The following BANK1 variants were observed in gnomAD, a reference collection of about 807,000 sequenced individuals.
BANK1 encodes B cell scaffold protein with ankyrin repeats 1, also known as B-cell scaffold protein with ankyrin repeats.
Under a neutral mutation model 94.5 loss-of-function variants are expected in BANK1, and 95 were observed. The ratio of observed to expected loss-of-function variants is 1.00; its 90% CI spans 0.85 to 1.19. The LOEUF is 1.19. Among genes scored for constraint, BANK1 ranks in the 50% most tolerant of loss-of-function variants. BANK1 has a pLI of 0.00. For missense variants in BANK1, 987 were observed against 932.2 expected (o/e 1.06, Z -0.77); for synonymous variants, 334 against 308.4 (o/e 1.08, Z -0.87).
intron 7 of BANK1, among the ~76,000 whole-genome samples, chr4:101,920,330 C>T (rs1005169620): frequency 6.6e-6 from 1 of 151,896 alleles, no homozygotes; most frequent in African/African-American, 2.4e-5. Flanking sequence ...TGTAAGAAAC[C>T]TGTGTGTTGT....
chr4:102,033,095 A>G lies in BANK1; in HGVS notation c.1900+2830A>G, dbSNP rs1727386353. 2.0e-5 allele frequency among the ~76,000 whole-genome samples: 3 copies of G among 152,222 alleles called. No individual in the cohort carries two copies. In the South Asian group the frequency reaches 6.2e-4, roughly 32 times the overall value. ...TCAACTAACTGTAGTCTGCACTTAC[A>G]TATCCAGTTCCCAGCATGCTGAGAT... On this transcript the variant is annotated intron_variant, in intron 10 of 16. Transcript: ENST00000322953.
At position 102,051,324 on chromosome 4, in the gene BANK1, CA is replaced by C. The variant is rs1183111447; in HGVS notation, c.1969+7418del. On this transcript the variant is annotated intron_variant, in intron 11 of 16. Coordinates refer to ENST00000322953, the MANE Select transcript of BANK1 (RefSeq NM_017935.5). ...CCCTTTTCCAGTATACTTACATTTC[CA>C]TTTGTCATATTGCTCACAAAAGTTT... Among the ~76,000 whole-genome samples the C allele has an allele frequency of 5.3e-5, 8 of 152,200 alleles. No homozygotes were observed. In the East Asian group the frequency reaches 1.5e-3, roughly 29 times the overall value.
chr4:102,030,110 A>G lies in BANK1; in HGVS notation c.1745A>G (p.Glu582Gly), dbSNP rs1727240099. Reference protein sequence around the residue: ...EEEEDPYTFAEIDDSEYDMIL... With the variant: ...EEEEDPYTFAGIDDSEYDMIL... ...GAAGAAGACCCATATACTTTTGCTG[A>G]GATTGATGACAGTGAATATGACATG... Residue 582 changes from glutamate (E) to glycine (G), a missense_variant, in exon 10 of 17, where the codon GAG becomes GGG. Physicochemically the swap from Glu to Gly is moderately conservative, Grantham distance 98 (BLOSUM62 -2). Coordinates refer to ENST00000322953, the MANE Select transcript of BANK1 (RefSeq NM_017935.5). 2 of 1,614,008 alleles carry G rather than the reference A, an allele frequency of 1.2e-6. No homozygotes were observed. The highest frequency in any genetic ancestry group is 1.7e-6 in the Non-Finnish European group (2 of 1,179,974).
At chr4:102,056,798 G>C (rs1480343994) in intron 11 of BANK1, among the ~76,000 whole-genome samples, 1 of 152,100 alleles carries the variant, frequency 6.6e-6, no homozygotes, top group African/African-American at 2.4e-5. Flanking sequence ...TTGAGGCCAG[G>C]AGTTCGAGAC....
At chr4:101,953,383 G>A (rs971742637) in intron 7 of BANK1, among the ~76,000 whole-genome samples, 1 of 152,068 alleles carries the variant, frequency 6.6e-6, no homozygotes, top group African/African-American at 2.4e-5. Flanking sequence ...AGGCATCTCT[G>A]TTCTTGATCA....
intron 11 of BANK1, among the ~76,000 whole-genome samples, chr4:102,048,691 G>A (rs1023480784): frequency 2.6e-5 from 4 of 152,142 alleles, no homozygotes; most frequent in Admixed American, 6.6e-5. Flanking sequence ...TCTATATGCT[G>A]GAGGGAAAAG....
At position 102,043,889 on chromosome 4, in the gene BANK1, G is replaced by A. The variant is rs780313755; in HGVS notation, c.1951G>A (p.Gly651Ser). The A allele has an allele frequency of 6.3e-7, 1 of 1,596,004 alleles. No individual in the cohort carries two copies. Among genetic ancestry groups the A allele is most frequent in the South Asian group, 1.1e-5 (1 of 89,858 alleles). Residue 651 changes from glycine to serine, a missense_variant, in exon 11 of 17, where the codon GGT becomes AGT. Transcript: ENST00000322953. ...ACAATCTGATGATGACAAGTTCTGT[G>A]GTCTTCCTAAGAAACAAGGTACTAA... ...RRQSDDDKFC[G>S]LPKKQDRARI...
chr4:102,072,777 C>G (rs1447936815), intron 15 of BANK1, among the ~76,000 whole-genome samples: 1 of 151,892 alleles, frequency 6.6e-6, no homozygotes, highest in Non-Finnish European at 1.5e-5. Context: ...AAAGTATAGC[C>G]CCAAAATATT....
At chr4:102,046,877 T>G (rs1273254155) in intron 11 of BANK1, among the ~76,000 whole-genome samples, 1 of 152,152 alleles carries the variant, frequency 6.6e-6, no homozygotes, top group African/African-American at 2.4e-5. Flanking sequence ...ACATTAAAGG[T>G]GGCAGAGGTA....
At chr4:101,882,636 A>T (rs938350355) in intron 5 of BANK1, among the ~76,000 whole-genome samples, 1 of 152,240 alleles carries the variant, frequency 6.6e-6, no homozygotes, top group East Asian at 1.9e-4. Context: ...TTACTAAATC[A>T]GCAGTCACAT....
At chr4:101,828,203 C>T (rs1381926119) in intron 1 of BANK1, among the ~76,000 whole-genome samples, 2 of 150,912 alleles carry the variant, frequency 1.3e-5, no homozygotes, top group Non-Finnish European at 3.0e-5. Context: ...TTGTAAATGC[C>T]CTATTAGACC....
At chr4:101,978,193 C>T (rs1725201527) in intron 7 of BANK1, among the ~76,000 whole-genome samples, 1 of 151,804 alleles carries the variant, frequency 6.6e-6, no homozygotes, top group Non-Finnish European at 1.5e-5. Flanking sequence ...CTAATGATTT[C>T]ATTTACTCAA....
chr4:101,852,114 T>A (rs1727496274), intron 2 of BANK1, among the ~76,000 whole-genome samples: 1 of 152,114 alleles, frequency 6.6e-6, no homozygotes, highest in African/African-American at 2.4e-5. Flanking sequence ...AACTTTTATC[T>A]TTGAGAAACT....
At chr4:101,983,908 A>T (rs916985367) in intron 7 of BANK1, among the ~76,000 whole-genome samples, 3 of 152,084 alleles carry the variant, frequency 2.0e-5, no homozygotes, top group African/African-American at 4.8e-5. Context: ...AATAGCAAAG[A>T]ATAGTACTGA....
intron 5 of BANK1, among the ~76,000 whole-genome samples, chr4:101,882,058 G>A (rs549106266): frequency 6.6e-6 from 1 of 152,104 alleles, no homozygotes; most frequent in African/African-American, 2.4e-5. Flanking sequence ...ACATTTTAGA[G>A]TAACTAAAAA....
Position 102,066,196 on chromosome 4 carries a change from GA to G in BANK1, c.2212+3067del, listed in dbSNP as rs60611017. ...GAGAAAACACACGTTACATATAAAG[GA>G]AAAAAAAATTCAATAATTTATTATC... On this transcript the variant is annotated intron_variant, in intron 13 of 16. Transcript: ENST00000322953. Among the ~76,000 whole-genome samples the G allele has an allele frequency of 5.5e-3, 808 of 145,828 alleles. 17 individuals are homozygous for G. The highest frequency in any genetic ancestry group is 0.052 in the East Asian group (266 of 5,076).
At chr4:101,928,771 A>G (rs1027119891) in intron 7 of BANK1, among the ~76,000 whole-genome samples, 1 of 151,684 alleles carries the variant, frequency 6.6e-6, no homozygotes, top group Non-Finnish European at 1.5e-5. Context: ...ACGTCGCTAA[A>G]TAAGCCCACA....
chr4:101,793,423 C>A (rs1473840487), intron 1 of BANK1, among the ~76,000 whole-genome samples: 2 of 152,124 alleles, frequency 1.3e-5, no homozygotes, highest in African/African-American at 4.8e-5. Flanking sequence ...ATTTTAAAGA[C>A]AAGGAGTGCT....
chr4:101,958,454 GC>G (rs1724444329), intron 7 of BANK1, among the ~76,000 whole-genome samples: 1 of 133,498 alleles, frequency 7.5e-6, no homozygotes. Context: ...TTTGCAGACT[GC>G]CCCCCATGCT....
Sources: allele counts gnomAD v4.1 joint callset (sites outside exome capture counted in the v4.1 genomes callset), GRCh38; gene constraint gnomAD v4.1.1; transcripts MANE v1.5; gene names NCBI Gene and HGNC (gene_info 2026-07-23, HGNC 2026-07-21).